Variants in ROBO2 observed in about 807,000 individuals in gnomAD.
The protein encoded by ROBO2 is roundabout guidance receptor 2.
A neutral mutation model predicts 160.8 loss-of-function variants in ROBO2; 53 were observed. The ratio of observed to expected loss-of-function variants is 0.33; its 90% CI spans 0.26 to 0.41. The LOEUF (loss-of-function observed/expected upper bound fraction) is 0.41. ROBO2 is among the 10% of genes least tolerant of loss of function. The pLI, the probability that ROBO2 is intolerant of heterozygous loss-of-function variation, is 1.00. For missense variants in ROBO2, 1,577 were observed against 1,722.4 expected, an observed-to-expected ratio of 0.92 and a Z score of 1.49; for synonymous variants, 664 against 611.7, an observed-to-expected ratio of 1.09 and a Z score of -1.26.
At chr3:77,546,560 G>C in intron 7 of ROBO2, 98 bp downstream of exon 8, 1 of 1,450,288 alleles carries the variant, frequency 6.9e-7, no homozygotes, top group African/African-American at 1.4e-5. Context: ...CTCAATGTTT[G>C]AATTTATTTT....
At chr3:76,790,626 G>A (rs1177200639) in intron 2 of ROBO2, among the ~76,000 whole-genome samples, 3 of 151,610 alleles carry the variant, frequency 2.0e-5, no homozygotes, top group African/African-American at 4.8e-5. Context: ...TATCTAACAC[G>A]AAGCTTACTT....
In ROBO2 at chr3:77,203,417, C is replaced by T. The variant is rs186008611; in HGVS notation, c.388+105077C>T. Among the ~76,000 whole-genome samples, 3 of 152,166 alleles carry T rather than the reference C, an allele frequency of 2.0e-5. No individual in the cohort carries two copies. The East Asian group carries it at 5.8e-4, about 29-fold the overall frequency. On this transcript the variant is annotated intron_variant, in intron 2 of 25. Coordinates refer to ENST00000461745, the Ensembl canonical transcript of ROBO2. The stretch of plus-strand genomic sequence containing the variant: ...GTTAAGCATCTGTTTTTTTCTTAGA[C>T]TGCTTACTGTGTAAAAATAAATCAG...
At chr3:77,098,087 C>T (rs764373066) in exon 2 of ROBO2, 3 of 1,608,058 alleles carry the variant, frequency 1.9e-6, no homozygotes, top group Non-Finnish European at 2.6e-6. Context: ...TCTCTAAGGG[C>T]GAGCCCACGA....
chr3:75,982,690 T>A (rs2065311096), intron 2 of ROBO2, among the ~76,000 whole-genome samples: 1 of 151,604 alleles, frequency 6.6e-6, no homozygotes, highest in Non-Finnish European at 1.5e-5. Flanking sequence ...AAATCACTGC[T>A]GTTGTGTTCT....
chr3:76,733,295 G>A (rs778972159), intron 2 of ROBO2, among the ~76,000 whole-genome samples: 7 of 152,150 alleles, frequency 4.6e-5, no homozygotes, highest in Non-Finnish European at 2.9e-5. Flanking sequence ...AAATTCAAAT[G>A]TGCTGGTTCA....
At chr3:76,993,896 CA>C in intron 2 of ROBO2, among the ~76,000 whole-genome samples, 1 of 147,214 alleles carries the variant, frequency 6.8e-6, no homozygotes, top group African/African-American at 2.5e-5. Flanking sequence ...AAAAAAAAAA[CA>C]AAACATTGTA....
At chr3:77,558,223 A>C (rs2093196272) in intron 9 of ROBO2, 74 bp downstream of exon 10, 2 of 1,235,240 alleles carry the variant, frequency 1.6e-6, no homozygotes, top group Non-Finnish European at 2.4e-6. Context: ...TTGCATAGTG[A>C]ACTTAAAATC....
intron 2 of ROBO2, among the ~76,000 whole-genome samples, chr3:76,143,064 T>C (rs898637426): frequency 4.0e-5 from 6 of 151,710 alleles, no homozygotes; most frequent in African/African-American, 1.5e-4. Flanking sequence ...TCTTGCCCTG[T>C]CACCCAGGCT....
At chr3:76,225,100 C>T (rs960232822) in intron 2 of ROBO2, among the ~76,000 whole-genome samples, 4 of 152,010 alleles carry the variant, frequency 2.6e-5, no homozygotes, top group Non-Finnish European at 5.9e-5. Context: ...TTTTCTGAGT[C>T]ATTTTAATTT....
chr3:76,711,604 G>C (rs1038800833), intron 2 of ROBO2, among the ~76,000 whole-genome samples: 1 of 152,070 alleles, frequency 6.6e-6, no homozygotes, highest in Non-Finnish European at 1.5e-5. Context: ...CAAATGGCAG[G>C]GACTGTGCAA....
At chr3:76,860,321 A>G (rs1421892221) in intron 2 of ROBO2, among the ~76,000 whole-genome samples, 1 of 152,188 alleles carries the variant, frequency 6.6e-6, no homozygotes, top group South Asian at 2.1e-4. Flanking sequence ...TTCACCACAA[A>G]AAATGTTTTC....
intron 2 of ROBO2, among the ~76,000 whole-genome samples, chr3:76,702,217 A>C (rs2608134): frequency 0.35 from 53,141 of 151,878 alleles, 10,115 homozygotes; most frequent in East Asian, 0.56. Context: ...GAATTGTTTT[A>C]GAGGGTTAAT....
intron 2 of ROBO2, among the ~76,000 whole-genome samples, chr3:77,002,802 G>A (rs1252421614): frequency 6.6e-6 from 1 of 152,004 alleles, no homozygotes. Flanking sequence ...GCACACCCAT[G>A]AAAGTCAGGG....
At chr3:77,327,744 A>G (rs983243443) in intron 2 of ROBO2, among the ~76,000 whole-genome samples, 3 of 152,136 alleles carry the variant, frequency 2.0e-5, no homozygotes, top group Non-Finnish European at 4.4e-5. Flanking sequence ...AACTATCTGT[A>G]TTAAAAAACA....
intron 2 of ROBO2, among the ~76,000 whole-genome samples, chr3:77,474,666 A>T (rs1399273073): frequency 7.5e-6 from 1 of 133,866 alleles, no homozygotes; most frequent in South Asian, 2.4e-4. Flanking sequence ...ATACACACAC[A>T]CACACACACA....
intron 2 of ROBO2, among the ~76,000 whole-genome samples, chr3:76,930,273 C>T (rs943444855): frequency 6.6e-6 from 1 of 152,092 alleles, no homozygotes; most frequent in Admixed American, 6.6e-5. Context: ...TTCCAAAGTG[C>T]TGGGATTACA....
intron 2 of ROBO2, among the ~76,000 whole-genome samples, chr3:76,991,334 A>G (rs1029250927): frequency 2.0e-5 from 3 of 152,242 alleles, no homozygotes; most frequent in Admixed American, 2.0e-4. Flanking sequence ...GTATTGCAAC[A>G]TTCTAAACTA....
At chr3:76,834,050 C>T (rs201899571) in intron 2 of ROBO2, among the ~76,000 whole-genome samples, 1,519 of 9,774 alleles carry the variant, frequency 0.16, 38 homozygotes, top group East Asian at 0.22. Context: ...CTTTCTTTCT[C>T]TCCTTTCTTT....
At chr3:76,994,865 T>C (rs1481478453) in intron 2 of ROBO2, among the ~76,000 whole-genome samples, 1 of 152,186 alleles carries the variant, frequency 6.6e-6, no homozygotes, top group Non-Finnish European at 1.5e-5. Context: ...TAAAAACATA[T>C]CAAAGTTGGA....
Sources: gnomAD v4.1 joint callset for allele counts (sites outside exome capture counted in the v4.1 genomes callset) on GRCh38, gnomAD v4.1.1 for gene constraint, MANE v1.5 for transcripts, NCBI Gene and HGNC (gene_info 2026-07-23, HGNC 2026-07-21) for gene names.